Variants in HBS1L observed in about 807,000 individuals in gnomAD.
HBS1L encodes HBS1 like translational GTPase, also known as HBS1-like protein.
A neutral mutation model predicts 88.9 loss-of-function variants in HBS1L; 55 were observed. That is an observed-to-expected ratio of 0.62 (90% CI 0.50 to 0.77). The LOEUF (loss-of-function observed/expected upper bound fraction) is 0.77. HBS1L is among the 30% of genes least tolerant of loss of function. The probability of loss-of-function intolerance (pLI) is 0.00; values close to 1 mark genes in which losing one functional copy is unlikely to be tolerated. For synonymous variants in HBS1L, 267 were observed against 288.5 expected (o/e 0.93, Z 0.76); for missense variants, 741 against 829.3 (o/e 0.89, Z 1.31).
intron 4 of HBS1L, chr6:135,037,331 G>A (rs1340165771): frequency 6.4e-7 from 1 of 1,551,974 alleles, no homozygotes; most frequent in African/African-American, 1.4e-5. Flanking sequence ...AGTTCAGTTA[G>A]GGATGGACTT....
At chr6:135,052,678 G>A (rs1777125634) in intron 1 of HBS1L, among the ~76,000 whole-genome samples, 1 of 151,824 alleles carries the variant, frequency 6.6e-6, no homozygotes. Flanking sequence ...TAAAGATGAA[G>A]AGAATTCTTT....
chr6:135,037,403 C>T, intron 4 of HBS1L: 1 of 1,550,158 alleles, frequency 6.5e-7, no homozygotes, highest in African/African-American at 1.4e-5. Context: ...CTTTGTTCAA[C>T]TAAAGAAACA....
intron 9 of HBS1L, among the ~76,000 whole-genome samples, chr6:134,987,072 A>C (rs1463404463): frequency 6.6e-6 from 1 of 152,118 alleles, no homozygotes; most frequent in Non-Finnish European, 1.5e-5. Context: ...GGAATGAACC[A>C]TTTTCTAAAT....
chr6:134,965,378 T>C, intron 17 of HBS1L, 88 bp from the exon 18 acceptor site: 2 of 879,260 alleles, frequency 2.3e-6, no homozygotes, highest in South Asian at 3.0e-5. Flanking sequence ...GGTGAAAGAA[T>C]TATTATATCA....
At chr6:134,999,451 T>TTC (rs201106645) in intron 5 of HBS1L, among the ~76,000 whole-genome samples, 26 of 144,634 alleles carry the variant, frequency 1.8e-4, no homozygotes, top group African/African-American at 1.8e-4. Flanking sequence ...TTCTTTTCTT[T>TTC]TTTTTTTTTT....
intron 16 of HBS1L, among the ~76,000 whole-genome samples, chr6:134,966,928 A>T: frequency 6.8e-6 from 1 of 147,410 alleles, no homozygotes; most frequent in East Asian, 1.9e-4. Flanking sequence ...TGGAATGTGT[A>T]TTAGGAAGTT....
chr6:135,012,708 CTT>C (rs1775809876), intron 4 of HBS1L, among the ~76,000 whole-genome samples: 1 of 152,198 alleles, frequency 6.6e-6, no homozygotes, highest in South Asian at 2.1e-4. Flanking sequence ...CATAAACACT[CTT>C]GTTTTCTCAC....
intron 4 of HBS1L, among the ~76,000 whole-genome samples, chr6:135,029,963 A>G (rs1776339594): frequency 2.0e-5 from 3 of 152,242 alleles, no homozygotes; most frequent in Non-Finnish European, 4.4e-5. Context: ...AGAATAAAGA[A>G]GAAACAGTGT....
chr6:135,022,084 T>G (rs1245825920), intron 4 of HBS1L, among the ~76,000 whole-genome samples: 3 of 152,196 alleles, frequency 2.0e-5, no homozygotes, highest in Non-Finnish European at 4.4e-5. Context: ...CTCAGTTTTA[T>G]GTCCCCTATG....
chr6:134,981,835 T>C (rs966604432), intron 13 of HBS1L, among the ~76,000 whole-genome samples: 1 of 151,918 alleles, frequency 6.6e-6, no homozygotes, highest in Non-Finnish European at 1.5e-5. Flanking sequence ...AATATATATA[T>C]GTGTGTATAT....
intron 15 of HBS1L, among the ~76,000 whole-genome samples, chr6:134,971,971 G>GTAT (rs1774501471): frequency 6.6e-6 from 1 of 152,154 alleles, no homozygotes; most frequent in Admixed American, 6.5e-5. Context: ...GACTTGAAGT[G>GTAT]AGGCAATGTA....
chr6:134,983,154 G>C (rs1218418812), intron 12 of HBS1L: 1 of 152,180 alleles, frequency 6.6e-6, no homozygotes, highest in African/African-American at 2.4e-5. Flanking sequence ...TGTGTCACTT[G>C]TGGGGGCCAT....
At chr6:135,037,074 T>A in intron 4 of HBS1L, 1 of 1,551,664 alleles carries the variant, frequency 6.4e-7, no homozygotes, top group Non-Finnish European at 8.7e-7. Context: ...CTACATCAAT[T>A]GTTTCTGCAA....
chr6:134,992,581 CTT>C (rs1775173021), intron 8 of HBS1L, among the ~76,000 whole-genome samples: 1 of 151,938 alleles, frequency 6.6e-6, no homozygotes, highest in Non-Finnish European at 1.5e-5. Context: ...GTATTTGTGT[CTT>C]TGTTTTTCAC....
At chr6:134,974,284 A>T (rs1217992437) in intron 15 of HBS1L, among the ~76,000 whole-genome samples, 1 of 152,126 alleles carries the variant, frequency 6.6e-6, no homozygotes, top group Admixed American at 6.6e-5. Context: ...CAACAACAAC[A>T]AAAAAGCTCA....
rs1491080451 is a variant in HBS1L, at chr6:134,961,092, T to TC, written c.*4186_*4187insG. 3 of 46,246 alleles carry TC rather than the reference T, an allele frequency of 6.5e-5. No homozygotes were observed. The highest frequency in any genetic ancestry group is 1.3e-4 in the Non-Finnish European group (3 of 22,448). 2.9% of individuals were successfully genotyped at this position (46,246 alleles called of 1,614,324 possible). A position where few individuals can be genotyped will look rare whatever the true frequency, so the allele number is the denominator to read the frequency against. ...GCTGTACAGACTTAGTTTCTTTGCT[T>TC]TTTTTTTTTTTTTTTTTGCATTGAT... On this transcript the variant is annotated 3_prime_UTR_variant, in exon 18 of 18. Transcript: ENST00000367837.
In HBS1L at chr6:134,978,905, C is replaced by T. The variant is rs2114767107; in HGVS notation, c.1689-118G>A. 4.6e-6 allele frequency: 3 copies of T among 653,444 alleles called. No individual in the cohort carries two copies. In the East Asian group the frequency reaches 8.1e-5, roughly 18 times the overall value. The allele number at this position is 653,444 out of a possible 1,614,324, so 40.5% of individuals were successfully genotyped here. A position where few individuals can be genotyped will look rare whatever the true frequency, so the allele number is the denominator to read the frequency against. On this transcript the variant is annotated intron_variant, in intron 14 of 17. Coordinates refer to ENST00000367837, the MANE Select transcript of HBS1L (RefSeq NM_006620.4). Reference sequence around the variant, plus strand: ...CAATTAAGTAAATTAGGGACTTTTTCTAAATATTCTCTTCTGAGCTAAAGC... The same window carrying T: ...CAATTAAGTAAATTAGGGACTTTTTTTAAATATTCTCTTCTGAGCTAAAGC...
intron 5 of HBS1L, among the ~76,000 whole-genome samples, chr6:135,001,724 C>T (rs1455871403): frequency 2.6e-5 from 4 of 152,046 alleles, no homozygotes; most frequent in Admixed American, 1.3e-4. Flanking sequence ...TGAATGCCTA[C>T]TATGTCCTAG....
At chr6:134,984,337 G>A (rs1774918733) in intron 12 of HBS1L, among the ~76,000 whole-genome samples, 1 of 152,150 alleles carries the variant, frequency 6.6e-6, no homozygotes, top group South Asian at 2.1e-4. Flanking sequence ...GCCAGGCACT[G>A]GGCTAGGGCC....
Sources: allele counts gnomAD v4.1 joint callset (sites outside exome capture counted in the v4.1 genomes callset), GRCh38; gene constraint gnomAD v4.1.1; transcripts MANE v1.5; gene names NCBI Gene and HGNC (gene_info 2026-07-23, HGNC 2026-07-21).